Variants in ZNF107 observed in about 807,000 individuals in gnomAD.
ZNF107 encodes zinc finger protein 107, also known as C2H2 type zinc-finger protein.
A neutral mutation model predicts 12.3 loss-of-function variants in ZNF107; 19 were observed. The observed-to-expected ratio is 1.55, with a 90% CI of 1.08 to 2.27. The LOEUF is 2.27. Among genes scored for constraint, ZNF107 ranks in the 30% most tolerant of loss-of-function variants. ZNF107 has a pLI of 0.00. For missense variants in ZNF107, 958 were observed against 979.9 expected, an observed-to-expected ratio of 0.98 and a Z score of 0.30; for synonymous variants, 317 against 330.5, an observed-to-expected ratio of 0.96 and a Z score of 0.44.
Position 64,711,458 on chromosome 7 carries a change from T to C in ZNF107, c.*2802T>C, listed in dbSNP as rs561487010. ...TGTATTACAAACCAATTCTGCACTT[T>C]TAGATACTTTAGAATGTACAGTCGT... On this transcript the variant is annotated 3_prime_UTR_variant, in exon 4 of 4. Transcript: ENST00000620827. 1 of 152,336 alleles carries C rather than the reference T, an allele frequency of 6.6e-6. No individual in the cohort carries two copies. The highest frequency in any genetic ancestry group is 2.1e-4 in the South Asian group (1 of 4,834). The allele number at this position is 152,336 out of a possible 1,614,324, so 9.4% of individuals were successfully genotyped here.
chr7:64,667,018 CA>C (rs1248527442), intron 1 of ZNF107, among the ~76,000 whole-genome samples: 1 of 149,520 alleles, frequency 6.7e-6, no homozygotes, highest in Non-Finnish European at 1.5e-5. Flanking sequence ...AAAAAAAAAG[CA>C]TTTGAGTTAG....
chr7:64,679,983 C>T (rs1789590527), intron 1 of ZNF107, among the ~76,000 whole-genome samples: 1 of 152,112 alleles, frequency 6.6e-6, no homozygotes, highest in Non-Finnish European at 1.5e-5. Flanking sequence ...TCCTTCTTGT[C>T]CACAGACCCT....
chr7:64,686,510 GA>G (rs2128961311), intron 1 of ZNF107: 1 of 985,312 alleles, frequency 1.0e-6, no homozygotes, highest in East Asian at 1.1e-4. Context: ...GAATCCCTGA[GA>G]AACATCACCC....
intron 1 of ZNF107, among the ~76,000 whole-genome samples, chr7:64,676,190 T>G (rs1414221643): frequency 6.6e-6 from 1 of 152,148 alleles, no homozygotes. Flanking sequence ...TGGTTTCAAG[T>G]GGTTTTCTTT....
intron 1 of ZNF107, among the ~76,000 whole-genome samples, chr7:64,674,765 G>C (rs1789358739): frequency 6.6e-6 from 1 of 152,166 alleles, no homozygotes; most frequent in Non-Finnish European, 1.5e-5. Flanking sequence ...TTTGAAGTAT[G>C]TAGCTTCAGT....
intron 1 of ZNF107, among the ~76,000 whole-genome samples, chr7:64,673,730 T>G (rs1789317525): frequency 6.6e-6 from 1 of 152,228 alleles, no homozygotes; most frequent in African/African-American, 2.4e-5. Context: ...CTGTAACTCA[T>G]GTTGAGTGAT....
At chr7:64,667,462 C>T (rs1017843835) in intron 1 of ZNF107, among the ~76,000 whole-genome samples, 2 of 130,548 alleles carry the variant, frequency 1.5e-5, no homozygotes, top group African/African-American at 5.0e-5. Context: ...TTTATCTTCC[C>T]TAGGCGCAGA....
In ZNF107 at chr7:64,707,041, G is replaced by A; in HGVS notation, c.944G>A (p.Cys315Tyr). Residue 315 changes from cysteine to tyrosine, a missense_variant, in exon 4 of 4, where the codon TGT becomes TAT. Transcript: ENST00000620827. ...CACACTGGAGAGAACCTCTACAAGT[G>A]TAAAGAATGTGGAAAAGCTTTTAAC... ...ILHTGENLYKCKECGKAFNLF... is the reference protein window; with the variant it reads ...ILHTGENLYKYKECGKAFNLF... 1.2e-6 allele frequency: 2 copies of A among 1,612,330 alleles called. No individual in the cohort carries two copies. The highest frequency in any genetic ancestry group is 2.2e-5 in the East Asian group (1 of 44,852).
In ZNF107 at chr7:64,667,284, C is replaced by T. The variant is rs79639257; in HGVS notation, c.3+999C>T. ...CTAATTCACATTATCAACTATTTGT[C>T]CTTTAGTGTACATTTTAGATACTGT... On this transcript the variant is annotated intron_variant, in intron 1 of 3. Transcript: ENST00000620827. 4.3e-4 allele frequency among the ~76,000 whole-genome samples: 65 copies of T among 152,024 alleles called. No individual in the cohort carries two copies. The East Asian group carries it at 0.012, about 28-fold the overall frequency.
rs1790682442 is a variant in ZNF107 at position 64,707,142 on chromosome 7, G to A, written c.1045G>A (p.Ala349Thr). Residue 349 changes from alanine (A) to threonine (T), a missense_variant, in exon 4 of 4, where the codon GCT (alanine) becomes ACT (threonine). By Grantham distance (58) the Ala-to-Thr change is moderately conservative. Coordinates refer to ENST00000620827, the MANE Select transcript of ZNF107 (RefSeq NM_001282359.2). ...KPYKCKECGR[A>T]FNISSNLNKQ... is the part of the protein sequence containing the mutation. ...CTACAAATGTAAAGAATGTGGCAGA[G>A]CTTTTAACATATCCTCAAACCTTAA... 3 of 1,613,680 alleles carry A rather than the reference G, an allele frequency of 1.9e-6. No individual in the cohort carries two copies. In the East Asian group the frequency reaches 6.7e-5, roughly 36 times the overall value.
At chr7:64,676,048 C>T (rs566755216) in intron 1 of ZNF107, among the ~76,000 whole-genome samples, 34 of 152,286 alleles carry the variant, frequency 2.2e-4, no homozygotes, top group African/African-American at 6.7e-4. Context: ...GGCAGGGTTT[C>T]ACCATGTTGG....
chr7:64,675,505 C>G (rs1789384242), intron 1 of ZNF107, among the ~76,000 whole-genome samples: 1 of 152,004 alleles, frequency 6.6e-6, no homozygotes, highest in African/African-American at 2.4e-5. Context: ...ATGAATCTAA[C>G]TAGTGGTTTA....
Position 64,707,731 on chromosome 7 carries a change from C to A in ZNF107, c.1634C>A (p.Ala545Asp), listed in dbSNP as rs1311344914. ...TATAAATGTGAGGAATGTGGCAAAG[C>A]TTTTAACCGATTCTCAACCCTTACT... ...KPYKCEECGK[A>D]FNRFSTLTKH... The change falls in exon 4 of 4, where the codon GCT becomes GAT. Residue 545 changes from alanine (A) to aspartate (D), a missense_variant. Physicochemically the swap from Ala to Asp is moderately radical, Grantham distance 126. Transcript: ENST00000620827. 1 of 1,612,600 alleles carries A rather than the reference C, an allele frequency of 6.2e-7. No homozygotes were observed. Among genetic ancestry groups the A allele is most frequent in the African/African-American group, 1.3e-5 (1 of 74,772 alleles).
At chr7:64,690,596 G>A (rs1476895244) in intron 1 of ZNF107, 2 of 934,666 alleles carry the variant, frequency 2.1e-6, no homozygotes, top group Non-Finnish European at 2.6e-6. Context: ...ATTCCATTTA[G>A]CAATGTGTTT....
intron 3 of ZNF107, among the ~76,000 whole-genome samples, chr7:64,705,075 A>G (rs1306445660): frequency 6.6e-6 from 1 of 152,162 alleles, no homozygotes; most frequent in African/African-American, 2.4e-5. Context: ...CACTTAGACT[A>G]TATCATACTT....
At chr7:64,672,245 A>G (rs1329276973) in intron 1 of ZNF107, among the ~76,000 whole-genome samples, 2 of 152,148 alleles carry the variant, frequency 1.3e-5, no homozygotes, top group Non-Finnish European at 2.9e-5. Context: ...CTCCAGCTTT[A>G]TCCATGTTGC....
intron 1 of ZNF107, 144 bp downstream of exon 1, chr7:64,666,429 C>T: frequency 8.7e-7 from 1 of 1,143,596 alleles, no homozygotes; most frequent in South Asian, 1.4e-5. Context: ...CCCCCGCGGC[C>T]CCGAGTTCTC....
Position 64,706,923 on chromosome 7 carries a change from A to G in ZNF107, c.826A>G (p.Lys276Glu), listed in dbSNP as rs1161432909. 6.2e-7 allele frequency: 1 copy of G among 1,612,420 alleles called. No homozygotes were observed. Residue 276 changes from lysine (K) to glutamate (E), a missense_variant, in exon 4 of 4, where the codon AAA becomes GAA. Physicochemically the swap from Lys to Glu is moderately conservative, Grantham distance 56. Coordinates refer to ENST00000620827, the MANE Select transcript of ZNF107 (RefSeq NM_001282359.2). Reference protein sequence around the residue: ...FKQASHLTIHKIIHTGEKPYK... With the variant: ...FKQASHLTIHEIIHTGEKPYK... Reference sequence around the variant, plus strand: ...ACAGGCCTCACACCTTACTATACATAAAATAATTCATACTGGAGAAAAACC... The same window carrying G: ...ACAGGCCTCACACCTTACTATACATGAAATAATTCATACTGGAGAAAAACC...
chr7:64,692,024 A>G, intron 3 of ZNF107, 64 bp downstream of exon 3: 1 of 1,121,102 alleles, frequency 8.9e-7, no homozygotes, highest in Non-Finnish European at 1.2e-6. Flanking sequence ...TCAAAGAAAA[A>G]GCCAGTCCTT....
Sources: gnomAD v4.1 joint callset for allele counts (sites outside exome capture counted in the v4.1 genomes callset) on GRCh38, gnomAD v4.1.1 for gene constraint, MANE v1.5 for transcripts, NCBI Gene and HGNC (gene_info 2026-07-23, HGNC 2026-07-21) for gene names.